The following GNA14 variants were observed in gnomAD, a reference collection of about 807,000 sequenced individuals.
GNA14 encodes guanine nucleotide-binding protein subunit alpha-14.
A neutral mutation model predicts 42.0 loss-of-function variants in GNA14; 50 were observed. The observed-to-expected ratio is 1.19, with a 90% CI of 0.95 to 1.51. GNA14 has a LOEUF of 1.51. Among genes scored for constraint, GNA14 ranks in the 40% most tolerant of loss-of-function variants. The probability of loss-of-function intolerance (pLI) is 0.00; values close to 1 mark genes in which losing one functional copy is unlikely to be tolerated. For synonymous variants in GNA14, 173 were observed against 163.1 expected (o/e 1.06, Z -0.46); for missense variants, 473 against 446.2 (o/e 1.06, Z -0.54).
intron 2 of GNA14, among the ~76,000 whole-genome samples, chr9:77,469,850 C>T (rs1836298511): frequency 1.3e-5 from 2 of 152,150 alleles, no homozygotes; most frequent in African/African-American, 4.8e-5. Flanking sequence ...TATTGAATAC[C>T]TATCAGGTGA....
intron 2 of GNA14, among the ~76,000 whole-genome samples, chr9:77,527,885 T>C: frequency 6.6e-6 from 1 of 152,204 alleles, no homozygotes; most frequent in African/African-American, 2.4e-5. Context: ...TCCCCCTGCC[T>C]TGGCCTCCCA....
chr9:77,446,640 G>T (rs553418392), intron 2 of GNA14, among the ~76,000 whole-genome samples: 2 of 152,160 alleles, frequency 1.3e-5, no homozygotes, highest in Non-Finnish European at 2.9e-5. Flanking sequence ...GAAGGGGTGG[G>T]GGGAGATGCT....
intron 1 of GNA14, among the ~76,000 whole-genome samples, chr9:77,625,060 A>G (rs1031586581): frequency 1.3e-5 from 2 of 152,032 alleles, no homozygotes; most frequent in Non-Finnish European, 2.9e-5. Flanking sequence ...AGAAGAACAT[A>G]AATGACCTGA....
chr9:77,427,884 G>A (rs1333711450), intron 5 of GNA14, among the ~76,000 whole-genome samples: 2 of 152,126 alleles, frequency 1.3e-5, no homozygotes, highest in Admixed American at 1.3e-4. Flanking sequence ...TTCCACTAGG[G>A]ATCTAATTTG....
intron 1 of GNA14, among the ~76,000 whole-genome samples, chr9:77,614,544 A>G (rs1305484367): frequency 6.6e-6 from 1 of 152,182 alleles, no homozygotes; most frequent in Non-Finnish European, 1.5e-5. Context: ...TTCTCAGTCT[A>G]TGAAACGCCA....
intron 2 of GNA14, among the ~76,000 whole-genome samples, chr9:77,516,713 G>A (rs1837264389): frequency 6.6e-6 from 1 of 150,440 alleles, no homozygotes; most frequent in Admixed American, 6.6e-5. Flanking sequence ...GCAAAAGAGT[G>A]AGACCCCATT....
chr9:77,493,917 T>A (rs894309798), intron 2 of GNA14, among the ~76,000 whole-genome samples: 1 of 152,102 alleles, frequency 6.6e-6, no homozygotes, highest in East Asian at 1.9e-4. Context: ...GGATAAAATA[T>A]CATTGTTTTT....
chr9:77,426,367 C>T (rs937548149), intron 5 of GNA14, among the ~76,000 whole-genome samples: 6 of 151,884 alleles, frequency 4.0e-5, no homozygotes, highest in African/African-American at 1.2e-4. Context: ...TACAGTGGCG[C>T]GATCTCGGCT....
chr9:77,613,815 A>G (rs370102354), intron 1 of GNA14, among the ~76,000 whole-genome samples: 9 of 152,334 alleles, frequency 5.9e-5, no homozygotes, highest in African/African-American at 2.2e-4. Context: ...ATGATTTACC[A>G]CTAAGTGGCT....
chr9:77,631,188 C>T (rs1168657958), intron 1 of GNA14, among the ~76,000 whole-genome samples: 8 of 152,142 alleles, frequency 5.3e-5, no homozygotes, highest in Admixed American at 5.2e-4. Flanking sequence ...TTACTTCCAT[C>T]TTATGGTAAA....
chr9:77,570,096 A>G (rs758075357), intron 1 of GNA14, among the ~76,000 whole-genome samples: 1 of 152,162 alleles, frequency 6.6e-6, no homozygotes, highest in East Asian at 1.9e-4. Context: ...ACATTTTAGG[A>G]CCAAGAATTG....
At chr9:77,451,671 T>A (rs1053621576) in intron 2 of GNA14, among the ~76,000 whole-genome samples, 1 of 152,192 alleles carries the variant, frequency 6.6e-6, no homozygotes, top group African/African-American at 2.4e-5. Flanking sequence ...TGTTCATTAG[T>A]CACCCTGGGA....
chr9:77,464,523 TTATTTC>T (rs57786662), intron 2 of GNA14, among the ~76,000 whole-genome samples: 6,122 of 152,168 alleles, frequency 0.04, 393 homozygotes, highest in African/African-American at 0.14. Flanking sequence ...AGGGATATTC[TTATTTC>T]TATTTCATTT....
chr9:77,439,160 G>A (rs954466017), intron 2 of GNA14, among the ~76,000 whole-genome samples: 1 of 152,218 alleles, frequency 6.6e-6, no homozygotes, highest in African/African-American at 2.4e-5. Flanking sequence ...ACATTATGAG[G>A]ATGGCTGGTG....
chr9:77,445,658 C>T (rs935019290), intron 2 of GNA14, among the ~76,000 whole-genome samples: 6 of 151,834 alleles, frequency 4.0e-5, no homozygotes, highest in Admixed American at 1.3e-4. Context: ...AGAAGGATCA[C>T]TTGAACCTAG....
At chr9:77,611,611 A>G (rs936744403) in intron 1 of GNA14, among the ~76,000 whole-genome samples, 1 of 152,232 alleles carries the variant, frequency 6.6e-6, no homozygotes, top group Non-Finnish European at 1.5e-5. Context: ...GGTGGAAAGC[A>G]GAGAGTTCAG....
intron 1 of GNA14, among the ~76,000 whole-genome samples, chr9:77,544,671 CAAAAA>C (rs397959672): frequency 1.7e-5 from 1 of 58,550 alleles, no homozygotes; most frequent in African/African-American, 5.1e-5. Flanking sequence ...CACTGCATCT[CAAAAA>C]AAAAAAAAAA....
intron 1 of GNA14, among the ~76,000 whole-genome samples, chr9:77,574,709 G>A (rs1564057200): frequency 6.6e-6 from 1 of 152,170 alleles, no homozygotes; most frequent in African/African-American, 2.4e-5. Context: ...AATCTCAGTA[G>A]CTTAATATAA....
intron 3 of GNA14, chr9:77,431,826 C>T (rs7032078): frequency 0.011 from 1,971 of 182,796 alleles, 40 homozygotes; most frequent in African/African-American, 0.044. Context: ...GCCCCTTCTC[C>T]CTCCCACTCA....
Sources: gnomAD v4.1 joint callset for allele counts (sites outside exome capture counted in the v4.1 genomes callset) on GRCh38, gnomAD v4.1.1 for gene constraint, MANE v1.5 for transcripts, NCBI Gene and HGNC (gene_info 2026-07-23, HGNC 2026-07-21) for gene names.